Variants in UNC13C observed in about 807,000 individuals in gnomAD.
UNC13C encodes the protein unc-13 homolog C, also known as protein unc-13 homolog C.
UNC13C carries 174 observed loss-of-function variants against 245.4 expected under a neutral mutation model. The ratio of observed to expected loss-of-function variants is 0.71; its 90% CI spans 0.63 to 0.80. The LOEUF (loss-of-function observed/expected upper bound fraction) is 0.80. Ranked by LOEUF, UNC13C falls within the 30% of genes least tolerant of loss-of-function variation. The pLI is 0.00. For missense variants in UNC13C, 2,829 were observed against 2,602.9 expected, an observed-to-expected ratio of 1.09 and a Z score of -1.89; for synonymous variants, 992 against 895.1, an observed-to-expected ratio of 1.11 and a Z score of -1.93.
At chr15:54,266,560 G>A (rs957306277) in intron 10 of UNC13C, among the ~76,000 whole-genome samples, 7 of 151,970 alleles carry the variant, frequency 4.6e-5, no homozygotes, top group East Asian at 1.9e-4. Flanking sequence ...AATGGCTTCC[G>A]TTGCCATGCG....
At chr15:53,911,014 C>G in the UNC13C span, 1 of 152,252 alleles carries the variant, frequency 6.6e-6, no homozygotes, top group Non-Finnish European at 1.5e-5. Context: ...GGATGAGCCC[C>G]AGTGGAAACG....
chr15:54,265,558 G>A (rs1385330881), intron 10 of UNC13C, 62 bp downstream of exon 10: 21 of 1,216,666 alleles, frequency 1.7e-5, no homozygotes, highest in Non-Finnish European at 2.3e-5. Flanking sequence ...TTTAAGACAG[G>A]CATACAAAGG....
intron 4 of UNC13C, among the ~76,000 whole-genome samples, chr15:54,233,118 T>C (rs2140821425): frequency 6.6e-6 from 1 of 152,270 alleles, no homozygotes; most frequent in African/African-American, 2.4e-5. Context: ...AATGATTCTT[T>C]CTTGTGATGT....
In UNC13C at chr15:54,015,808, C is replaced by A. The variant is rs191961732; in HGVS notation, c.2905C>A (p.Arg969Ser). The change falls in exon 2 of 33, where the codon CGT (arginine) becomes AGT (serine). Residue 969 changes from arginine (R) to serine (S), a missense_variant. Transcript: ENST00000260323. ...GGAGATCACAAAGCCAAAGAGAATT[C>A]GTCCTTCTTTCAAAGAAGCAGCTTT... Reference protein sequence around the residue: ...PVEITKPKRIRPSFKEAALRA... With the variant: ...PVEITKPKRISPSFKEAALRA... 65 of 1,611,192 alleles carry A rather than the reference C, an allele frequency of 4.0e-5. No homozygotes were observed. In the South Asian group the frequency reaches 6.1e-4, roughly 15 times the overall value.
chr15:54,213,050 T>C (rs938947848), intron 4 of UNC13C, among the ~76,000 whole-genome samples: 16 of 152,020 alleles, frequency 1.1e-4, no homozygotes, highest in African/African-American at 3.9e-4. Context: ...TAACCTTTGC[T>C]TCAAACCCCG....
At chr15:54,327,289 A>G (rs2038322551) in intron 14 of UNC13C, among the ~76,000 whole-genome samples, 2 of 152,022 alleles carry the variant, frequency 1.3e-5, no homozygotes, top group Admixed American at 1.3e-4. Context: ...TGATATTTTT[A>G]TTGACTGACC....
intron 30 of UNC13C, among the ~76,000 whole-genome samples, chr15:54,584,910 T>C (rs1267905180): frequency 2.0e-5 from 3 of 152,218 alleles, no homozygotes; most frequent in African/African-American, 7.2e-5. Context: ...CAGGGCATTT[T>C]CCACTAATCA....
chr15:54,544,983 T>G (rs551341040), intron 26 of UNC13C, among the ~76,000 whole-genome samples: 71 of 152,336 alleles, frequency 4.7e-4, no homozygotes, highest in Admixed American at 3.1e-3. Context: ...AGAGCCTGTA[T>G]AGCCAAGACA....
rs935344959 is a variant in UNC13C at position 54,074,929 on chromosome 15, A to G, written c.2983+59043A>G. ...AATACTATGTTGAATAGAAAGATCC[A>G]CAGCCTCTTTCTATTCTCAGTTCTT... On this transcript the variant is annotated intron_variant, in intron 2 of 32. Transcript: ENST00000260323. Among the ~76,000 whole-genome samples the G allele has an allele frequency of 3.9e-5, 6 of 152,232 alleles. No homozygotes were observed. In the South Asian group the frequency reaches 8.3e-4, roughly 21 times the overall value.
At chr15:54,397,266 C>T (rs1183624440) in intron 18 of UNC13C, among the ~76,000 whole-genome samples, 1 of 151,238 alleles carries the variant, frequency 6.6e-6, no homozygotes, top group Non-Finnish European at 1.5e-5. Flanking sequence ...TTTTTTATCT[C>T]TACTTGTTGA....
intron 30 of UNC13C, among the ~76,000 whole-genome samples, chr15:54,576,983 T>C (rs1897981436): frequency 6.6e-6 from 1 of 152,244 alleles, no homozygotes; most frequent in Non-Finnish European, 1.5e-5. Context: ...GTTCTCATAT[T>C]TGAATGTATG....
At chr15:54,536,336 T>C (rs962220996) in intron 26 of UNC13C, among the ~76,000 whole-genome samples, 4 of 151,878 alleles carry the variant, frequency 2.6e-5, no homozygotes, top group African/African-American at 4.8e-5. Flanking sequence ...GAATCAGTAA[T>C]AATAAAAGCC....
chr15:54,400,067 C>T (rs1596326126), intron 18 of UNC13C, among the ~76,000 whole-genome samples: 1 of 151,964 alleles, frequency 6.6e-6, no homozygotes, highest in Non-Finnish European at 1.5e-5. Flanking sequence ...GAGTTTTCAC[C>T]TTCTTTTTCT....
intron 2 of UNC13C, among the ~76,000 whole-genome samples, chr15:54,080,418 T>C (rs953395125): frequency 1.7e-4 from 26 of 152,098 alleles, no homozygotes; most frequent in African/African-American, 5.8e-4. Flanking sequence ...TTTGTACATC[T>C]GGTAGAATGT....
chr15:54,507,338 C>T, intron 23 of UNC13C, 144 bp downstream of exon 23: 3 of 605,854 alleles, frequency 5.0e-6, no homozygotes, highest in Non-Finnish European at 8.5e-6. Flanking sequence ...GGAAACTTCT[C>T]CAGGGTTCTT....
chr15:54,024,422 G>C (rs989095382), intron 2 of UNC13C, among the ~76,000 whole-genome samples: 3 of 152,148 alleles, frequency 2.0e-5, no homozygotes, highest in African/African-American at 7.2e-5. Context: ...TGTTCAGAAG[G>C]TATCCAAGGA....
At chr15:54,053,163 C>G (rs181565806) in intron 2 of UNC13C, among the ~76,000 whole-genome samples, 142 of 151,342 alleles carry the variant, frequency 9.4e-4, no homozygotes, top group Middle Eastern at 3.4e-3. Flanking sequence ...TACAGGTGTG[C>G]GCCACCACAC....
chr15:54,196,258 C>T (rs918183537), intron 4 of UNC13C, among the ~76,000 whole-genome samples: 5 of 151,726 alleles, frequency 3.3e-5, no homozygotes, highest in African/African-American at 9.7e-5. Flanking sequence ...TGCAGAGAGA[C>T]AAGCAAACAG....
At chr15:54,622,591 G>A (rs79678124) in intron 31 of UNC13C, among the ~76,000 whole-genome samples, 172 bp downstream of exon 31, 1 of 152,184 alleles carries the variant, frequency 6.6e-6, no homozygotes, top group East Asian at 1.9e-4. Context: ...AAATATCAAT[G>A]GCACTAATGT....
Sources: gnomAD v4.1 joint callset for allele counts (sites outside exome capture counted in the v4.1 genomes callset) on GRCh38, gnomAD v4.1.1 for gene constraint, MANE v1.5 for transcripts, NCBI Gene and HGNC (gene_info 2026-07-23, HGNC 2026-07-21) for gene names.